The following DSG1 variants were observed in gnomAD, a reference collection of about 807,000 sequenced individuals.
DSG1 encodes desmoglein 1, also known as desmoglein-1.
Under a neutral mutation model 97.5 loss-of-function variants are expected in DSG1, and 39 were observed. The ratio of observed to expected loss-of-function variants is 0.40; its 90% CI spans 0.31 to 0.52. The LOEUF is 0.52. Ranked by LOEUF, DSG1 falls within the 20% of genes least tolerant of loss-of-function variation. The pLI is 0.53. For missense variants in DSG1, 1,311 were observed against 1,295.4 expected (o/e 1.01, Z -0.18); for synonymous variants, 475 against 443.4 (o/e 1.07, Z -0.90).
chr18:31,321,051 T>C (rs77111379), intron 1 of DSG1, among the ~76,000 whole-genome samples: 9,596 of 152,146 alleles, frequency 0.063, 422 homozygotes, highest in South Asian at 0.13. Flanking sequence ...TGGTTCATTA[T>C]AGTAACCATT....
At chr18:31,336,735 T>C in intron 9 of DSG1, 122 bp downstream of exon 9, 3 of 1,055,658 alleles carry the variant, frequency 2.8e-6, no homozygotes, top group Non-Finnish European at 4.1e-6. Flanking sequence ...TATCATTTAA[T>C]TGTAAAAAGT....
chr18:31,331,926 G>A (rs1568041638), intron 6 of DSG1, 59 bp downstream of exon 6: 5 of 1,515,374 alleles, frequency 3.3e-6, no homozygotes, highest in Non-Finnish European at 4.6e-6. Flanking sequence ...TAAAAGCAAG[G>A]ATACTGAAGA....
intron 14 of DSG1, among the ~76,000 whole-genome samples, chr18:31,353,222 CCCT>C (rs1277748427): frequency 1.3e-4 from 19 of 150,006 alleles, no homozygotes; most frequent in African/African-American, 2.5e-4. Context: ...TGTTGGAGTA[CCCT>C]GCCGTGTGAG....
intron 7 of DSG1, 26 bp downstream of exon 7, chr18:31,333,749 A>C (rs761832336): frequency 2.5e-6 from 4 of 1,611,116 alleles, no homozygotes; most frequent in Non-Finnish European, 3.4e-6. Flanking sequence ...TGGAATTAAT[A>C]AATCTAAATT....
At position 31,358,429 on chromosome 18, in the gene DSG1, C is replaced by G. The variant is rs975350265; in HGVS notation, c.*3083C>G. On this transcript the variant is annotated 3_prime_UTR_variant, in exon 15 of 15. Transcript: ENST00000257192. ...TATTTATATATCTTCATCTAGACAT[C>G]TGTTCTACATTTGTGTATAAAGTTT... 6.6e-6 allele frequency among the ~76,000 whole-genome samples: 1 copy of G among 152,038 alleles called. No individual in the cohort carries two copies. The highest frequency in any genetic ancestry group is 1.5e-5 in the Non-Finnish European group (1 of 67,916).
chr18:31,333,485 T>G (rs767497889), intron 6 of DSG1, 104 bp from the exon 7 acceptor site: 2 of 1,397,120 alleles, frequency 1.4e-6, no homozygotes. Context: ...ACCTCTATCA[T>G]AGATTTATGT....
intron 10 of DSG1, 95 bp downstream of exon 10, chr18:31,338,549 T>C: frequency 7.1e-7 from 1 of 1,403,346 alleles, no homozygotes; most frequent in Non-Finnish European, 9.9e-7. Flanking sequence ...AAGTAACCCC[T>C]TTCCAACAAA....
intron 1 of DSG1, among the ~76,000 whole-genome samples, chr18:31,318,632 C>T (rs1055159974): frequency 2.0e-5 from 3 of 152,026 alleles, no homozygotes; most frequent in South Asian, 2.1e-4. Context: ...AAATTCCTAT[C>T]GCTAGTTAGT....
intron 14 of DSG1, among the ~76,000 whole-genome samples, chr18:31,349,534 T>C (rs1228477421): frequency 1.4e-5 from 2 of 141,280 alleles, no homozygotes; most frequent in Non-Finnish European, 3.0e-5. Context: ...GGGGATGGCA[T>C]TGAATCTGTA....
chr18:31,352,815 C>T (rs1398491732), intron 14 of DSG1, among the ~76,000 whole-genome samples: 2 of 145,224 alleles, frequency 1.4e-5, no homozygotes, highest in Non-Finnish European at 3.0e-5. Context: ...TGGTTTTCAG[C>T]TCCATCAGCT....
chr18:31,338,867 T>G (rs2071771320), intron 10 of DSG1, among the ~76,000 whole-genome samples: 1 of 152,214 alleles, frequency 6.6e-6, no homozygotes. Flanking sequence ...AGACTAGATT[T>G]AAACATATTT....
Position 31,326,880 on chromosome 18 carries a change from G to A in DSG1, c.91G>A (p.Asp31Asn). The A allele has an allele frequency of 1.8e-5, 29 of 1,613,572 alleles. No homozygotes were observed. The highest frequency in any genetic ancestry group is 2.5e-5 in the Non-Finnish European group (29 of 1,179,700). ...TTTATTGCTGTCATTTAAGGTAAGA[G>A]ATTATAACACTAAAAATGGCACCAT... ...VNSEFRIQVR[D>N]YNTKNGTIKW... The change falls in exon 3 of 15, where the codon GAT (aspartate) becomes AAT (asparagine). Residue 31 changes from aspartate (D) to asparagine (N), a missense_variant. Transcript: ENST00000257192.
At chr18:31,337,190 A>C (rs888327603) in intron 9 of DSG1, among the ~76,000 whole-genome samples, 2 of 152,224 alleles carry the variant, frequency 1.3e-5, no homozygotes, top group African/African-American at 2.4e-5. Context: ...GACTGTGACA[A>C]GAAGAATGGG....
chr18:31,337,152 G>A (rs1048697316), intron 9 of DSG1, among the ~76,000 whole-genome samples: 3 of 152,200 alleles, frequency 2.0e-5, no homozygotes, highest in East Asian at 1.9e-4. Context: ...AAATCTGTGC[G>A]TGCACATGTA....
rs966556033 is a variant in DSG1 at position 31,318,327 on chromosome 18, T to C, written c.27T>C (p.Val9=). 6.2e-7 allele frequency: 1 copy of C among 1,613,624 alleles called. No individual in the cohort carries two copies. The highest frequency in any genetic ancestry group is 8.5e-7 in the Non-Finnish European group (1 of 1,179,544). Residue 9 remains valine (V), a synonymous_variant, in exon 1 of 15, where the codon GTT becomes GTC. Coordinates refer to ENST00000257192, the MANE Select transcript of DSG1 (RefSeq NM_001942.4). MDWSFFRV[V]AMLFIFLVVV... ...TGGACTGGAGTTTCTTCAGAGTAGT[T>C]GCAATGCTGTTCATTTTTCTGGTGA...
At chr18:31,348,894 A>T in intron 14 of DSG1, among the ~76,000 whole-genome samples, 1 of 110,178 alleles carries the variant, frequency 9.1e-6, no homozygotes, top group African/African-American at 3.5e-5. Flanking sequence ...GGTTGCAAAA[A>T]TTTTCTCCCA....
At chr18:31,328,086 T>C (rs1303193897) in intron 3 of DSG1, 103 bp from the exon 4 acceptor site, 1 of 1,215,910 alleles carries the variant, frequency 8.2e-7, no homozygotes, top group African/African-American at 1.5e-5. Flanking sequence ...ATTTCCTAAA[T>C]AACAAGGTCA....
chr18:31,335,942 A>G (rs1169763544), intron 8 of DSG1, among the ~76,000 whole-genome samples: 3 of 151,728 alleles, frequency 2.0e-5, no homozygotes, highest in African/African-American at 7.2e-5. Context: ...AAAACCACTC[A>G]AATGATTGAA....
chr18:31,352,065 C>T lies in DSG1; in HGVS notation c.2101-2232C>T, dbSNP rs866033805. Among the ~76,000 whole-genome samples, 653 of 151,734 alleles carry T rather than the reference C, an allele frequency of 4.3e-3. 3 individuals carry two copies. The highest frequency in any genetic ancestry group is 0.014 in the African/African-American group (583 of 41,160). On this transcript the variant is annotated intron_variant, in intron 14 of 14. Coordinates refer to ENST00000257192, the MANE Select transcript of DSG1 (RefSeq NM_001942.4). ...AGTTGATGCAGTTTCTTCCTAGTCT[C>T]GATGGTCTTTACATTTTGGCATGAT...
Sources: gnomAD v4.1 joint callset for allele counts (sites outside exome capture counted in the v4.1 genomes callset) on GRCh38, gnomAD v4.1.1 for gene constraint, MANE v1.5 for transcripts, NCBI Gene and HGNC (gene_info 2026-07-23, HGNC 2026-07-21) for gene names.